The following OR2L13 variants were observed in gnomAD, a reference collection of about 807,000 sequenced individuals.
OR2L13 encodes the protein olfactory receptor 2L13.
A neutral mutation model predicts 15.3 loss-of-function variants in OR2L13; 14 were observed. The ratio of observed to expected loss-of-function variants is 0.91; its 90% CI spans 0.60 to 1.43. The LOEUF is 1.43. Ranked by LOEUF, OR2L13 falls within the 40% of genes most tolerant of loss-of-function variation. OR2L13 has a pLI of 0.00. For synonymous variants in OR2L13, 152 were observed against 142.9 expected (o/e 1.06, Z -0.45); for missense variants, 367 against 387.9 (o/e 0.95, Z 0.45).
chr1:248,063,563 T>C, the OR2L13 span, among the ~76,000 whole-genome samples: 5 of 152,256 alleles, frequency 3.3e-5, no homozygotes, highest in Non-Finnish European at 5.9e-5. Flanking sequence ...AGCTAGGTCA[T>C]ATTCCATGAA....
At chr1:247,956,154 C>T in the OR2L13 span, among the ~76,000 whole-genome samples, 3 of 150,762 alleles carry the variant, frequency 2.0e-5, no homozygotes, top group Admixed American at 2.0e-4. Flanking sequence ...TTTCAGCTTT[C>T]TACATATGGC....
the OR2L13 span, among the ~76,000 whole-genome samples, chr1:247,953,289 G>T: frequency 2.6e-5 from 4 of 151,936 alleles, no homozygotes; most frequent in Non-Finnish European, 5.9e-5. Flanking sequence ...GTTATGCTGT[G>T]GTTATTATTT....
the OR2L13 span, among the ~76,000 whole-genome samples, chr1:247,958,264 T>C: frequency 0.8 from 121,478 of 152,150 alleles, 52,688 homozygotes; most frequent in South Asian, 0.95. Context: ...GAGTGAGTTT[T>C]TTAACCCCAA....
chr1:248,064,718 T>A, the OR2L13 span, among the ~76,000 whole-genome samples: 3 of 152,176 alleles, frequency 2.0e-5, no homozygotes, highest in Admixed American at 2.0e-4. Context: ...GAAGTTAGTT[T>A]ACTGAAAAAC....
At chr1:247,990,168 C>G in the OR2L13 span, 2 of 544,224 alleles carry the variant, frequency 3.7e-6, no homozygotes, top group Non-Finnish European at 6.7e-6. Flanking sequence ...TTCAGGCATT[C>G]ACTGGCGGGC....
chr1:248,060,693 C>G, the OR2L13 span: 1 of 1,611,996 alleles, frequency 6.2e-7, no homozygotes, highest in Non-Finnish European at 8.5e-7. Flanking sequence ...TGGAAAATTA[C>G]AATCAAACAT....
chr1:247,948,831 C>T, the OR2L13 span: 1 of 1,560,014 alleles, frequency 6.4e-7, no homozygotes, highest in Non-Finnish European at 8.7e-7. Flanking sequence ...TTGTGTCTCC[C>T]TTCCGAATGG....
At chr1:248,068,266 A>G in the OR2L13 span, among the ~76,000 whole-genome samples, 190 of 152,128 alleles carry the variant, frequency 1.2e-3, no homozygotes, top group African/African-American at 4.5e-3. Flanking sequence ...GCAGACTGAC[A>G]CCTCACACGG....
the OR2L13 span, chr1:247,990,263 C>T: frequency 1.7e-5 from 15 of 867,370 alleles, no homozygotes; most frequent in Non-Finnish European, 2.5e-5. Context: ...CATATGAATG[C>T]TCCATGGAAA....
chr1:247,958,752 C>G, the OR2L13 span, among the ~76,000 whole-genome samples: 1 of 151,732 alleles, frequency 6.6e-6, no homozygotes, highest in African/African-American at 2.4e-5. Context: ...TTGTCAGAGA[C>G]TAGGATTGCA....
intron 1 of OR2L13, among the ~76,000 whole-genome samples, chr1:248,097,719 A>G (rs1664768264): frequency 6.6e-6 from 1 of 152,232 alleles, no homozygotes; most frequent in Admixed American, 6.5e-5. Context: ...AGGGCTCGGT[A>G]TTGGATACAC....
At chr1:248,017,083 C>T in the OR2L13 span, among the ~76,000 whole-genome samples, 53 of 152,204 alleles carry the variant, frequency 3.5e-4, no homozygotes, top group African/African-American at 1.2e-3. Flanking sequence ...AAACTATCAT[C>T]GGAATCTTTT....
At chr1:248,033,423 TTTCTTC>T in the OR2L13 span, among the ~76,000 whole-genome samples, 1 of 151,882 alleles carries the variant, frequency 6.6e-6, no homozygotes, top group Admixed American at 6.6e-5. Context: ...CTGTTTTCTA[TTTCTTC>T]TTCTTCTTCT....
At chr1:247,965,950 A>C in the OR2L13 span, 1 of 1,608,484 alleles carries the variant, frequency 6.2e-7, no homozygotes, top group Non-Finnish European at 8.5e-7. Context: ...GTGTCAGGAC[A>C]CCTCCCAGTA....
the OR2L13 span, among the ~76,000 whole-genome samples, chr1:247,974,478 A>G: frequency 1.3e-5 from 2 of 152,160 alleles, no homozygotes; most frequent in South Asian, 2.1e-4. Context: ...CCACATTTAC[A>G]TAATGTTTAC....
At chr1:248,049,929 T>G in the OR2L13 span, among the ~76,000 whole-genome samples, 1 of 152,212 alleles carries the variant, frequency 6.6e-6, no homozygotes, top group African/African-American at 2.4e-5. Flanking sequence ...TGCATATATG[T>G]ATGTGTGTTT....
chr1:248,026,183 G>A, the OR2L13 span, among the ~76,000 whole-genome samples: 1 of 152,168 alleles, frequency 6.6e-6, no homozygotes, highest in African/African-American at 2.4e-5. Context: ...CACAAATCTA[G>A]CATTGTTTTA....
the OR2L13 span, among the ~76,000 whole-genome samples, chr1:248,067,678 G>A: frequency 7.2e-5 from 11 of 152,338 alleles, no homozygotes; most frequent in Middle Eastern, 3.4e-3. Context: ...TGTGCGAGCC[G>A]AAGCAGGGCA....
chr1:247,963,596 G>A, the OR2L13 span, among the ~76,000 whole-genome samples: 1 of 152,086 alleles, frequency 6.6e-6, no homozygotes, highest in Non-Finnish European at 1.5e-5. Context: ...TAGTATAATC[G>A]AGATATGCCT....
Sources: gnomAD v4.1 joint callset for allele counts (sites outside exome capture counted in the v4.1 genomes callset) on GRCh38, gnomAD v4.1.1 for gene constraint, MANE v1.5 for transcripts, NCBI Gene and HGNC (gene_info 2026-07-23, HGNC 2026-07-21) for gene names.